ZNF469: variants seen among roughly 807,000 people sequenced by gnomAD.
ZNF469 encodes zinc finger protein 469.
A neutral mutation model predicts 1.0 loss-of-function variants in ZNF469; 1 was observed. The ratio of observed to expected loss-of-function variants is 1.00; its 90% confidence interval spans 0.35 to 4.73. The LOEUF is 4.73. ZNF469 is among the 30% of genes most tolerant of loss of function. ZNF469 has a pLI of 0.16. For missense variants in ZNF469, 6,100 were observed against 5,356.3 expected, an observed-to-expected ratio of 1.14 and a Z score of -4.33; for synonymous variants, 2,703 against 2,363.4, an observed-to-expected ratio of 1.14 and a Z score of -4.17.
chr16:88,203,728 CTGTGTGTG>C, the ZNF469 span, among the ~76,000 whole-genome samples: 1 of 150,014 alleles, frequency 6.7e-6, no homozygotes, highest in Non-Finnish European at 1.5e-5. Flanking sequence ...GTGTCTGTCC[CTGTGTGTG>C]TGTGTGTGTG....
At chr16:88,368,353 A>T in the ZNF469 span, among the ~76,000 whole-genome samples, 1 of 152,158 alleles carries the variant, frequency 6.6e-6, no homozygotes, top group East Asian at 1.9e-4. Context: ...GCAGCAGAGA[A>T]CTCAGCTCTG....
the ZNF469 span, among the ~76,000 whole-genome samples, chr16:88,139,352 G>A: frequency 3.3e-5 from 5 of 152,024 alleles, no homozygotes; most frequent in African/African-American, 1.2e-4. Context: ...GGGATGTGAC[G>A]AGGAAAATTG....
chr16:88,234,307 T>C, the ZNF469 span, among the ~76,000 whole-genome samples: 3 of 152,370 alleles, frequency 2.0e-5, no homozygotes, highest in Middle Eastern at 3.4e-3. Flanking sequence ...GTCAGCTTCC[T>C]ATATTATAGA....
At chr16:88,133,122 A>G in the ZNF469 span, among the ~76,000 whole-genome samples, 1 of 152,178 alleles carries the variant, frequency 6.6e-6, no homozygotes, top group African/African-American at 2.4e-5. Context: ...GCCTGCGATC[A>G]ACATCACCCA....
rs1567508920 is a variant in ZNF469, at chr16:88,428,097, GCCCCCCCAGAGCAGGGGCACCAGC to G, written c.632_655del (p.Pro211_Pro218del). On this transcript the variant is annotated inframe_deletion, in exon 3 of 3. Coordinates refer to ENST00000565624, the MANE Select transcript of ZNF469 (RefSeq NM_001367624.2). ...CCACCCCCAGGCCCCCAGCCCCGGG[GCCCCCCCAGAGCAGGGGCACCAGC>G]CCCCTCCAGCCCGGTTCCTATCCCG... is the stretch of plus-strand genomic sequence containing the variant. 6.5e-7 allele frequency: 1 copy of G among 1,549,590 alleles called. No individual in the cohort carries two copies. Among genetic ancestry groups the G allele is most frequent in the South Asian group, 1.2e-5 (1 of 84,034 alleles).
In ZNF469 at chr16:88,431,345, G is replaced by A; in HGVS notation, c.3875G>A (p.Ser1292Asn). The change falls in exon 3 of 3, where the codon AGC (serine) becomes AAC (asparagine). Residue 1292 changes from serine (S) to asparagine (N), a missense_variant. Ser to Asn is a conservative substitution (Grantham distance 46). Transcript: ENST00000565624. Reference sequence around the variant, plus strand: ...CTCGCCAACACGGCGCCCCACGGAAGCTCGCCAACGCCAGGTGTGGGCAGC... The same window carrying A: ...CTCGCCAACACGGCGCCCCACGGAAACTCGCCAACGCCAGGTGTGGGCAGC... ...GSLANTAPHG[S>N]SPTPGVGSLL... 1 of 1,549,526 alleles carries A rather than the reference G, an allele frequency of 6.5e-7. No homozygotes were observed. The highest frequency in any genetic ancestry group is 8.7e-7 in the Non-Finnish European group (1 of 1,146,566).
the ZNF469 span, among the ~76,000 whole-genome samples, chr16:88,314,254 CTG>C: frequency 7.5e-6 from 1 of 133,856 alleles, no homozygotes; most frequent in Non-Finnish European, 1.7e-5. Flanking sequence ...TAGAATATCT[CTG>C]TGATTATGAT....
chr16:88,301,667 G>C, the ZNF469 span, among the ~76,000 whole-genome samples: 9 of 152,240 alleles, frequency 5.9e-5, no homozygotes, highest in African/African-American at 2.2e-4. Context: ...TGCTGGGAGT[G>C]GTCATGAGAT....
At chr16:88,387,357 C>T (rs1260725136) in intron 1 of ZNF469, among the ~76,000 whole-genome samples, 2 of 152,200 alleles carry the variant, frequency 1.3e-5, no homozygotes, top group African/African-American at 2.4e-5. Context: ...AGGCTGGCTT[C>T]AGGGCGGGGT....
the ZNF469 span, among the ~76,000 whole-genome samples, chr16:88,113,481 C>T: frequency 6.6e-6 from 1 of 152,194 alleles, no homozygotes; most frequent in Non-Finnish European, 1.5e-5. Context: ...CACCTGGTGA[C>T]AGGAGAGCCT....
Position 88,431,746 on chromosome 16 carries a change from G to A in ZNF469, c.4276G>A (p.Glu1426Lys), listed in dbSNP as rs868174994. ...GGACGGCGAGGATGCCGGTTCCCTC[G>A]AGCCACAGCTGCCAAGGAGCCCACC... ...CQDGEDAGSL[E>K]PQLPRSPPGT... is the part of the protein sequence containing the mutation. The change falls in exon 3 of 3, where the codon GAG becomes AAG. Residue 1426 changes from glutamate to lysine, a missense_variant. Coordinates refer to ENST00000565624, the MANE Select transcript of ZNF469 (RefSeq NM_001367624.2). The A allele has an allele frequency of 1.3e-4, 205 of 1,549,844 alleles. No individual in the cohort carries two copies. Among genetic ancestry groups the A allele is most frequent in the Middle Eastern group, 1.7e-4 (1 of 6,014 alleles).
the ZNF469 span, among the ~76,000 whole-genome samples, chr16:88,340,983 C>A: frequency 2.6e-5 from 4 of 152,112 alleles, no homozygotes; most frequent in Non-Finnish European, 5.9e-5. Context: ...CCGGGCAAAG[C>A]GGTCCAGGCT....
At chr16:88,286,719 G>C in the ZNF469 span, among the ~76,000 whole-genome samples, 10,684 of 152,300 alleles carry the variant, frequency 0.07, 1,237 homozygotes, top group African/African-American at 0.24. Flanking sequence ...GTGAGCTTTA[G>C]AAGGAACAGA....
At chr16:88,380,514 CACACACACGCACTA>C (rs550473264), upstream of ZNF469, among the ~76,000 whole-genome samples, 483 of 115,216 alleles carry the variant, frequency 4.2e-3, 5 homozygotes, top group African/African-American at 0.01. Flanking sequence ...CACAGACATG[CACACACACGCACTA>C]ACACACACGC....
chr16:88,303,546 T>C, the ZNF469 span, among the ~76,000 whole-genome samples: 1 of 152,208 alleles, frequency 6.6e-6, no homozygotes, highest in African/African-American at 2.4e-5. Flanking sequence ...TTGTGCTTCT[T>C]GGAGGCATCT....
At chr16:88,291,530 A>G in the ZNF469 span, among the ~76,000 whole-genome samples, 1 of 152,170 alleles carries the variant, frequency 6.6e-6, no homozygotes, top group Non-Finnish European at 1.5e-5. Flanking sequence ...AGATGAAGAC[A>G]CCGGGGCTCA....
chr16:88,273,591 G>A, the ZNF469 span, among the ~76,000 whole-genome samples: 2 of 152,198 alleles, frequency 1.3e-5, no homozygotes, highest in African/African-American at 4.8e-5. Context: ...AAGACGGTAT[G>A]GAAGTTCCTC....
chr16:88,413,134 T>C (rs761298949), intron 1 of ZNF469, among the ~76,000 whole-genome samples: 5 of 152,184 alleles, frequency 3.3e-5, no homozygotes, highest in Non-Finnish European at 5.9e-5. Flanking sequence ...ACGGGGGCCA[T>C]AGTCGTGCGT....
chr16:88,380,919 C>G (rs2092521190), upstream of ZNF469, among the ~76,000 whole-genome samples: 1 of 106,320 alleles, frequency 9.4e-6, no homozygotes, highest in Non-Finnish European at 1.7e-5. Flanking sequence ...CAGACATGCA[C>G]TCACACAGAC....
Sources: gnomAD v4.1 joint callset for allele counts (sites outside exome capture counted in the v4.1 genomes callset) on GRCh38, gnomAD v4.1.1 for gene constraint, MANE v1.5 for transcripts, NCBI Gene and HGNC (gene_info 2026-07-23, HGNC 2026-07-21) for gene names.